KHDRBS1: variants seen among roughly 807,000 people sequenced by gnomAD.
KHDRBS1 encodes the protein KH RNA binding domain containing, signal transduction associated 1, also known as KH domain-containing, RNA-binding, signal transduction-associated protein 1.
A neutral mutation model predicts 48.4 loss-of-function variants in KHDRBS1; 7 were observed. That is an observed-to-expected ratio of 0.14 (90% CI 0.08 to 0.27). The LOEUF is 0.27. KHDRBS1 is among the 10% of genes least tolerant of loss of function. The pLI, the probability that KHDRBS1 is intolerant of heterozygous loss-of-function variation, is 1.00. For synonymous variants in KHDRBS1, 241 were observed against 235.8 expected (o/e 1.02, Z -0.20); for missense variants, 458 against 601.2 (o/e 0.76, Z 2.49).
intron 1 of KHDRBS1, among the ~76,000 whole-genome samples, chr1:32,025,073 A>G (rs1293538648): frequency 6.6e-6 from 1 of 151,418 alleles, no homozygotes. Context: ...TTCAAGACCA[A>G]CCTGGGCAAA....
intron 2 of KHDRBS1, among the ~76,000 whole-genome samples, 181 bp from the exon 3 acceptor site, chr1:32,031,343 A>G (rs1639078200): frequency 6.6e-6 from 1 of 152,196 alleles, no homozygotes; most frequent in Non-Finnish European, 1.5e-5. Flanking sequence ...AGGAACTGCC[A>G]CTTTCTAGTT....
intron 10 of KHDRBS1, among the ~76,000 whole-genome samples, chr1:32,053,216 C>T (rs1441487992): frequency 1.3e-5 from 2 of 152,120 alleles, no homozygotes; most frequent in Non-Finnish European, 2.9e-5. Context: ...ATCATGTTCT[C>T]TTGCAGAACT....
chr1:32,042,615 A>C lies in KHDRBS1; in HGVS notation c.1323A>C (p.Gly441=). 1 of 1,602,576 alleles carries C rather than the reference A, an allele frequency of 6.2e-7. No homozygotes were observed. Among genetic ancestry groups the C allele is most frequent in the African/African-American group, 1.3e-5 (1 of 74,842 alleles). The part of the protein sequence containing the change: ...VKGAYREHPY[G]RY ...GAGCATACAGAGAGCACCCATATGG[A>C]CGTTATTAAAAACAAACATGAGGGG... The change falls in exon 9 of 9, where the codon GGA becomes GGC. Residue 441 remains glycine, a synonymous_variant. Transcript: ENST00000327300.
In KHDRBS1 at chr1:32,050,825, TC is replaced by T. The variant is rs1422930721; in HGVS notation, n.1301+5436del. 5.9e-5 allele frequency among the ~76,000 whole-genome samples: 9 copies of T among 152,028 alleles called. No homozygotes were observed. The South Asian group carries it at 1.9e-3, about 32-fold the overall frequency. On this transcript the variant is annotated intron_variant and non_coding_transcript_variant, in intron 10 of 10. Coordinates refer to the KHDRBS1 transcript ENST00000484270. Reference sequence around the variant, plus strand: ...GTAAGCCACCACACCCAGCTTTAATTCTTGCATTTAGGTCTATGATTCATTT... The same window carrying T: ...GTAAGCCACCACACCCAGCTTTAATTTTGCATTTAGGTCTATGATTCATTT...
At chr1:32,021,411 A>G (rs1276685566) in intron 1 of KHDRBS1, among the ~76,000 whole-genome samples, 1 of 152,194 alleles carries the variant, frequency 6.6e-6, no homozygotes, top group Non-Finnish European at 1.5e-5. Flanking sequence ...TCCAAAAAAA[A>G]TAAAGAACCT....
chr1:32,023,837 GC>G (rs1405549304), intron 1 of KHDRBS1, among the ~76,000 whole-genome samples: 3 of 152,184 alleles, frequency 2.0e-5, no homozygotes, highest in African/African-American at 7.2e-5. Context: ...TAGGCCACAT[GC>G]CAGTGTCTGA....
At chr1:32,027,405 AG>A (rs1317307934) in intron 1 of KHDRBS1, among the ~76,000 whole-genome samples, 3 of 152,236 alleles carry the variant, frequency 2.0e-5, no homozygotes, top group Non-Finnish European at 4.4e-5. Flanking sequence ...GTATATTAGC[AG>A]TAGGGGAAAA....
intron 1 of KHDRBS1, among the ~76,000 whole-genome samples, chr1:32,023,375 G>T (rs1202822599): frequency 6.6e-6 from 1 of 152,156 alleles, no homozygotes; most frequent in East Asian, 1.9e-4. Flanking sequence ...TAGCTTTTCT[G>T]AGCCCGGGTT....
chr1:32,059,129 C>G (rs1319889358), intron 10 of KHDRBS1, among the ~76,000 whole-genome samples: 2 of 147,664 alleles, frequency 1.4e-5, no homozygotes, highest in Admixed American at 1.4e-4. Flanking sequence ...CCCCTGCACT[C>G]CAGCCTGAGT....
At chr1:32,024,936 G>C (rs1638933469) in intron 1 of KHDRBS1, among the ~76,000 whole-genome samples, 1 of 151,000 alleles carries the variant, frequency 6.6e-6, no homozygotes, top group Admixed American at 6.6e-5. Context: ...CTATGCTTCA[G>C]CCTAGGCAGT....
chr1:32,032,864 A>G (rs560154431), intron 3 of KHDRBS1, among the ~76,000 whole-genome samples: 61 of 152,052 alleles, frequency 4.0e-4, no homozygotes, highest in Middle Eastern at 3.4e-3. Flanking sequence ...TAATTTTTGT[A>G]TTTTTAGTAG....
In KHDRBS1 at chr1:32,025,409, TTCTGTC is replaced by T. The variant is rs1197471162; in HGVS notation, c.383-4886_383-4881del. On this transcript the variant is annotated intron_variant, in intron 1 of 8. Transcript: ENST00000327300. ...TCCGCCTCCCGGGTTCAAGCAATTC[TTCTGTC>T]TCAGCCTCCCAAACAGTTGGGACTA... Among the ~76,000 whole-genome samples, 3 of 149,200 alleles carry T rather than the reference TTCTGTC, an allele frequency of 2.0e-5. No homozygotes were observed. The East Asian group carries it at 6.2e-4, about 31-fold the overall frequency.
intron 10 of KHDRBS1, among the ~76,000 whole-genome samples, chr1:32,057,622 A>C (rs1360316394): frequency 6.7e-6 from 1 of 149,908 alleles, no homozygotes; most frequent in Non-Finnish European, 1.5e-5. Flanking sequence ...AACACAGTGA[A>C]ACCCGTCTCT....
At chr1:32,026,719 G>C (rs971669608) in intron 1 of KHDRBS1, among the ~76,000 whole-genome samples, 2 of 152,198 alleles carry the variant, frequency 1.3e-5, no homozygotes, top group Non-Finnish European at 2.9e-5. Context: ...ATAAAATACA[G>C]CTGAAAGGTC....
intron 1 of KHDRBS1, among the ~76,000 whole-genome samples, chr1:32,028,247 A>G (rs1639012730): frequency 6.6e-6 from 1 of 152,108 alleles, no homozygotes; most frequent in African/African-American, 2.4e-5. Flanking sequence ...TATCAGAATT[A>G]CCTGGGAACT....
At chr1:32,028,290 A>G (rs990561957) in intron 1 of KHDRBS1, among the ~76,000 whole-genome samples, 2 of 152,054 alleles carry the variant, frequency 1.3e-5, no homozygotes, top group Non-Finnish European at 2.9e-5. Flanking sequence ...CACAAATCCC[A>G]GACTGGCTTT....
chr1:32,013,953 T>C lies in KHDRBS1; in HGVS notation c.-43T>C. The stretch of plus-strand genomic sequence containing the variant: ...CAACCGCCGCTCGGGCCTCCGTCGC[T>C]GCCGCGTCGCTTTCTCGCTCCTTGG... On this transcript the variant is annotated 5_prime_UTR_variant, in exon 1 of 9. Transcript: ENST00000327300. 7.1e-7 allele frequency: 1 copy of C among 1,406,726 alleles called. No homozygotes were observed. The highest frequency in any genetic ancestry group is 9.2e-7 in the Non-Finnish European group (1 of 1,083,908). The allele number at this position is 1,406,726 out of a possible 1,614,324, so 87.1% of individuals were successfully genotyped here. A position where few individuals can be genotyped will look rare whatever the true frequency, so the allele number is the denominator to read the frequency against.
chr1:32,048,724 C>G (rs1639383714), downstream of KHDRBS1, among the ~76,000 whole-genome samples: 1 of 152,098 alleles, frequency 6.6e-6, no homozygotes, highest in Non-Finnish European at 1.5e-5. Flanking sequence ...ATTCACATAC[C>G]ATACTGTTCT....
chr1:32,014,280 C>G lies in KHDRBS1; in HGVS notation c.285C>G (p.Val95=). ...TGCCCCCCTCGGCCACAGCCTCGGT[C>G]AAGATGGAGCCAGAGAACAAGTACC... ...PLLPPSATAS[V]KMEPENKYLP... Residue 95 remains valine, a synonymous_variant, in exon 1 of 9, where the codon GTC becomes GTG. Transcript: ENST00000327300. 1 of 1,554,518 alleles carries G rather than the reference C, an allele frequency of 6.4e-7. No homozygotes were observed. The highest frequency in any genetic ancestry group is 8.7e-7 in the Non-Finnish European group (1 of 1,150,936).
Sources: allele counts gnomAD v4.1 joint callset (sites outside exome capture counted in the v4.1 genomes callset), GRCh38; gene constraint gnomAD v4.1.1; transcripts MANE v1.5; gene names NCBI Gene and HGNC (gene_info 2026-07-23, HGNC 2026-07-21).